The following TBL1X variants were observed in gnomAD, a reference collection of about 807,000 sequenced individuals.
TBL1X encodes the protein transducin beta like 1 X-linked.
Under a neutral mutation model 50.7 loss-of-function variants are expected in TBL1X, and 10 were observed. The observed-to-expected ratio is 0.20, with a 90% CI of 0.12 to 0.33. TBL1X has a LOEUF of 0.33. Among genes scored for constraint, TBL1X ranks in the 10% least tolerant of loss-of-function variants. The pLI is 1.00. For synonymous variants in TBL1X, 190 were observed against 214.7 expected, an observed-to-expected ratio of 0.88 and a Z score of 1.01; for missense variants, 340 against 504.4, an observed-to-expected ratio of 0.67 and a Z score of 3.12.
intron 4 of TBL1X, 99 bp from the exon 5 acceptor site, chrX:9,654,116 G>A (rs1347709529): frequency 7.8e-6 from 5 of 642,102 alleles, no homozygotes; most frequent in Non-Finnish European, 1.2e-5. Context: ...TTACCTTCAT[G>A]TGTATAATAG....
chrX:9,559,798 C>T (rs2082316507), intron 2 of TBL1X, among the ~76,000 whole-genome samples: 1 of 111,890 alleles, frequency 8.9e-6, no homozygotes, highest in South Asian at 3.7e-4. Flanking sequence ...GAAATGAAAA[C>T]GAAGTATTTG....
At chrX:9,473,458 C>T (rs191428328) in intron 1 of TBL1X, among the ~76,000 whole-genome samples, 7 of 112,035 alleles carry the variant, frequency 6.2e-5, no homozygotes, top group Admixed American at 5.7e-4. Context: ...CAGAGGAAGT[C>T]GGGTACTGTT....
chrX:9,532,217 C>T (rs2082165803), intron 2 of TBL1X, among the ~76,000 whole-genome samples: 1 of 111,631 alleles, frequency 9.0e-6, no homozygotes, highest in African/African-American at 3.3e-5. Context: ...GAGCCCCTGC[C>T]CCAGGAAGCG....
At chrX:9,542,420 A>G (rs1047986572) in intron 2 of TBL1X, among the ~76,000 whole-genome samples, 8 of 111,699 alleles carry the variant, frequency 7.2e-5, no homozygotes, top group African/African-American at 2.6e-4. Flanking sequence ...GACCATATAG[A>G]TAGATGTAAC....
chrX:9,536,526 A>G (rs767036056), intron 2 of TBL1X, among the ~76,000 whole-genome samples: 1 of 111,638 alleles, frequency 9.0e-6, no homozygotes, highest in Non-Finnish European at 1.9e-5. Flanking sequence ...CTGGGATTAC[A>G]GGAGTGAGCC....
chrX:9,600,869 G>A (rs2082553252), intron 2 of TBL1X, among the ~76,000 whole-genome samples: 1 of 111,618 alleles, frequency 9.0e-6, no homozygotes, highest in African/African-American at 3.3e-5. Context: ...TCCGGAGGAT[G>A]ACAGAGGCTT....
At chrX:9,570,993 C>T (rs776530588) in intron 2 of TBL1X, among the ~76,000 whole-genome samples, 6 of 112,250 alleles carry the variant, frequency 5.3e-5, no homozygotes, top group Non-Finnish European at 1.1e-4. Context: ...GACTCTTATA[C>T]TCCATTATAA....
intron 2 of TBL1X, among the ~76,000 whole-genome samples, chrX:9,561,684 ATG>A (rs2147000368): frequency 8.9e-6 from 1 of 112,392 alleles, no homozygotes; most frequent in Admixed American, 9.4e-5. Flanking sequence ...GTGTGCACGT[ATG>A]TGTTTGTGCA....
In TBL1X at chrX:9,685,054, A is replaced by G. The variant is rs769259680; in HGVS notation, c.357+866A>G. On this transcript the variant is annotated intron_variant, in intron 6 of 17. Coordinates refer to ENST00000645353, the MANE Select transcript of TBL1X (RefSeq NM_005647.4). The stretch of plus-strand genomic sequence containing the variant: ...GGGCTCGTTGTAGAGCAGATGGGGT[A>G]GGAGGATGGAAAAATAAATGCACAT... Among the ~76,000 whole-genome samples, 152 of 112,532 alleles carry G rather than the reference A, an allele frequency of 1.4e-3. 2 individuals carry two copies. The highest frequency in any genetic ancestry group is 4.5e-3 in the African/African-American group (140 of 31,003).
intron 1 of TBL1X, among the ~76,000 whole-genome samples, chrX:9,494,198 C>T (rs772361413): frequency 9.0e-6 from 1 of 111,543 alleles, no homozygotes; most frequent in African/African-American, 3.3e-5. Context: ...TTGACTGGAA[C>T]TTAGAGTGAC....
At chrX:9,629,699 G>A (rs185181685) in intron 2 of TBL1X, among the ~76,000 whole-genome samples, 3 of 111,932 alleles carry the variant, frequency 2.7e-5, no homozygotes, top group East Asian at 5.6e-4. Flanking sequence ...TTAAAAAAAC[G>A]GTAGCAGCAT....
intron 5 of TBL1X, among the ~76,000 whole-genome samples, chrX:9,665,538 T>TATATATATATAA (rs2082925696): frequency 3.1e-5 from 2 of 64,083 alleles, no homozygotes; most frequent in Non-Finnish European, 5.7e-5. Context: ...TATATATATA[T>TATATATATATAA]AAAAGGCCTT....
intron 2 of TBL1X, among the ~76,000 whole-genome samples, chrX:9,570,162 T>C (rs143485339): frequency 1.9e-4 from 21 of 112,428 alleles, no homozygotes; most frequent in African/African-American, 6.8e-4. Context: ...TGAAGTGCTG[T>C]TTGGTAAAAC....
chrX:9,489,712 C>T (rs967964921), intron 1 of TBL1X, among the ~76,000 whole-genome samples: 19 of 111,627 alleles, frequency 1.7e-4, no homozygotes, highest in African/African-American at 5.9e-4. Context: ...AAAACAAGTC[C>T]CATGGTGAGG....
At chrX:9,696,159 G>A (rs1278603529) in intron 11 of TBL1X, among the ~76,000 whole-genome samples, 1 of 112,730 alleles carries the variant, frequency 8.9e-6, no homozygotes, top group African/African-American at 3.2e-5. Context: ...ACCAGTCGCT[G>A]ATGTAATATG....
At chrX:9,708,018 G>A (rs1256678981) in intron 13 of TBL1X, among the ~76,000 whole-genome samples, 1 of 112,184 alleles carries the variant, frequency 8.9e-6, no homozygotes, top group Non-Finnish European at 1.9e-5. Flanking sequence ...TTATGAGTGT[G>A]TCATTAGTTA....
chrX:9,684,111 C>T lies in TBL1X; in HGVS notation c.280C>T (p.Leu94=). The T allele has an allele frequency of 2.5e-6, 3 of 1,211,604 alleles. No individual in the cohort carries two copies. The highest frequency in any genetic ancestry group is 2.2e-6 in the Non-Finnish European group (2 of 895,449). Residue 94 remains leucine (L), a synonymous_variant, in exon 6 of 18, where the codon CTA becomes TTA. Transcript: ENST00000645353. Reference sequence around the variant, plus strand: ...CAGCCAGTCCAACATCAATGGGACGCTAGTGCCACCGGCCGCCCTCATCTC... The same window carrying T: ...CAGCCAGTCCAACATCAATGGGACGTTAGTGCCACCGGCCGCCCTCATCTC... ...HISQSNINGT[L]VPPAALISIL...
chrX:9,624,997 T>C (rs2082685232), intron 2 of TBL1X, among the ~76,000 whole-genome samples: 4 of 112,312 alleles, frequency 3.6e-5, no homozygotes, highest in African/African-American at 1.3e-4. Context: ...TATGTTTCCA[T>C]TTAAGAAAGC....
chrX:9,630,960 A>G (rs2082718274), intron 2 of TBL1X, among the ~76,000 whole-genome samples: 2 of 110,996 alleles, frequency 1.8e-5, no homozygotes, highest in African/African-American at 6.6e-5. Context: ...TATATCAACA[A>G]CATATAATCA....
Sources: allele counts gnomAD v4.1 joint callset (sites outside exome capture counted in the v4.1 genomes callset), GRCh38; gene constraint gnomAD v4.1.1; transcripts MANE v1.5; gene names NCBI Gene and HGNC (gene_info 2026-07-23, HGNC 2026-07-21).